The following EXOC4 variants were observed in gnomAD, a reference collection of about 807,000 sequenced individuals.
EXOC4 encodes the protein exocyst complex component 4.
EXOC4 carries 71 observed loss-of-function variants against 107.2 expected under a neutral mutation model. That is an observed-to-expected ratio of 0.66 (90% CI 0.55 to 0.81). The LOEUF is 0.81. Among genes scored for constraint, EXOC4 ranks in the 30% least tolerant of loss-of-function variants. The probability of loss-of-function intolerance (pLI) is 0.00; values close to 1 mark genes in which losing one functional copy is unlikely to be tolerated. For missense variants in EXOC4, 1,108 were observed against 1,189.6 expected, an observed-to-expected ratio of 0.93 and a Z score of 1.01; for synonymous variants, 456 against 441.2, an observed-to-expected ratio of 1.03 and a Z score of -0.42.
intron 17 of EXOC4, among the ~76,000 whole-genome samples, chr7:134,015,923 G>A (rs955953364): frequency 1.3e-5 from 2 of 151,408 alleles, no homozygotes; most frequent in Non-Finnish European, 2.9e-5. Context: ...ATGTATCAGT[G>A]CTTGGTGGTG....
At chr7:133,748,400 G>A (rs188711592) in intron 10 of EXOC4, among the ~76,000 whole-genome samples, 4 of 152,258 alleles carry the variant, frequency 2.6e-5, no homozygotes, top group African/African-American at 7.2e-5. Flanking sequence ...CATGGGGAAA[G>A]TGAAGCCTAT....
intron 14 of EXOC4, among the ~76,000 whole-genome samples, chr7:133,992,097 A>G (rs1794275289): frequency 6.6e-6 from 1 of 152,088 alleles, no homozygotes; most frequent in African/African-American, 2.4e-5. Flanking sequence ...GAGTGTGCAT[A>G]TCTTTCCATT....
rs758125085 is a variant in EXOC4 at position 133,253,144 on chromosome 7, A to G, written c.43A>G (p.Ser15Gly). The change falls in exon 1 of 18, where the codon AGC becomes GGC. Residue 15 changes from serine (S) to glycine (G), a missense_variant. Physicochemically the swap from Ser to Gly is moderately conservative, Grantham distance 56. Transcript: ENST00000253861. ...TGGTGGGAAATACAGAAGCACAGTC[A>G]GCAAAAGCAAAGACCCCTCGGGGCT... Reference protein sequence around the residue: ...AAGGKYRSTVSKSKDPSGLLI... With the variant: ...AAGGKYRSTVGKSKDPSGLLI... 17 of 1,614,230 alleles carry G rather than the reference A, an allele frequency of 1.1e-5. No homozygotes were observed. In the East Asian group the frequency reaches 3.8e-4, roughly 36 times the overall value.
At chr7:133,331,847 A>G (rs955201985) in intron 5 of EXOC4, among the ~76,000 whole-genome samples, 3 of 152,190 alleles carry the variant, frequency 2.0e-5, no homozygotes, top group African/African-American at 4.8e-5. Flanking sequence ...TGCTGTTCCC[A>G]GTCTAAATAT....
intron 11 of EXOC4, among the ~76,000 whole-genome samples, chr7:133,819,308 A>T (rs1315511856): frequency 1.4e-5 from 2 of 146,806 alleles, no homozygotes; most frequent in Non-Finnish European, 1.5e-5. Context: ...TCCCAGATAG[A>T]TCTCCCCAGT....
At chr7:133,690,814 G>A (rs1048109090) in intron 10 of EXOC4, among the ~76,000 whole-genome samples, 2 of 152,130 alleles carry the variant, frequency 1.3e-5, no homozygotes, top group Non-Finnish European at 1.5e-5. Flanking sequence ...TGGGCTTCAA[G>A]GGGTCATAAA....
At chr7:133,371,664 TG>T (rs1465732734) in intron 6 of EXOC4, among the ~76,000 whole-genome samples, 1 of 152,220 alleles carries the variant, frequency 6.6e-6, no homozygotes, top group Non-Finnish European at 1.5e-5. Flanking sequence ...TTTCCACCTT[TG>T]GGTTGTTGCG....
At chr7:133,268,855 A>C (rs937301624) in intron 1 of EXOC4, among the ~76,000 whole-genome samples, 8 of 152,208 alleles carry the variant, frequency 5.3e-5, no homozygotes, top group African/African-American at 1.9e-4. Context: ...CTGGGAATTA[A>C]TTAGTCATGG....
At chr7:133,703,409 G>A (rs1794706299) in intron 10 of EXOC4, among the ~76,000 whole-genome samples, 1 of 152,184 alleles carries the variant, frequency 6.6e-6, no homozygotes, top group Non-Finnish European at 1.5e-5. Flanking sequence ...TTTAGGGGGA[G>A]TATATGTGGC....
chr7:133,314,920 C>G (rs1794955285), intron 4 of EXOC4: 1 of 152,076 alleles, frequency 6.6e-6, no homozygotes, highest in South Asian at 2.1e-4. Context: ...AAACCTGTGT[C>G]TTTTTTTACA....
chr7:133,959,742 AG>A (rs923063995), intron 14 of EXOC4, among the ~76,000 whole-genome samples: 1 of 152,132 alleles, frequency 6.6e-6, no homozygotes, highest in African/African-American at 2.4e-5. Context: ...AAGTACATCT[AG>A]AAAAGAAGCA....
In EXOC4 at chr7:133,789,375, T is replaced by G. The variant is rs1796656437; in HGVS notation, c.1515-27950T>G. ...TTTTGCTGATGTTTCTTGAGTTCTA[T>G]GCCACTACTCTCTCTCCTCCCCCAG... On this transcript the variant is annotated intron_variant, in intron 10 of 17. Coordinates refer to ENST00000253861, the MANE Select transcript of EXOC4 (RefSeq NM_021807.4). Among the ~76,000 whole-genome samples the G allele has an allele frequency of 2.0e-5, 3 of 152,222 alleles. No individual in the cohort carries two copies. In the South Asian group the frequency reaches 6.2e-4, roughly 31 times the overall value.
At chr7:133,742,296 A>G (rs1388944016) in intron 10 of EXOC4, among the ~76,000 whole-genome samples, 2 of 152,158 alleles carry the variant, frequency 1.3e-5, no homozygotes, top group Non-Finnish European at 2.9e-5. Context: ...ATTTCTGGTT[A>G]CCTTTAGCAT....
the EXOC4 span, among the ~76,000 whole-genome samples, chr7:134,088,108 A>G: frequency 2.6e-5 from 4 of 152,150 alleles, no homozygotes; most frequent in Non-Finnish European, 5.9e-5. Flanking sequence ...TTCTTTACTT[A>G]TGACATGTCA....
chr7:133,875,817 TC>T (rs1798836372), intron 11 of EXOC4, among the ~76,000 whole-genome samples: 1 of 152,206 alleles, frequency 6.6e-6, no homozygotes, highest in Admixed American at 6.5e-5. Flanking sequence ...CCACAAGCAG[TC>T]TTCATTCATG....
chr7:133,633,797 A>G (rs997803608), intron 10 of EXOC4, among the ~76,000 whole-genome samples: 2 of 151,174 alleles, frequency 1.3e-5, no homozygotes, highest in Non-Finnish European at 3.0e-5. Flanking sequence ...ACATTGTATC[A>G]TTTTTTTTTC....
intron 11 of EXOC4, among the ~76,000 whole-genome samples, chr7:133,852,247 G>A (rs926739407): frequency 6.7e-6 from 1 of 149,658 alleles, no homozygotes; most frequent in Non-Finnish European, 1.5e-5. Context: ...TTTTGAGACG[G>A]AGTCTTGCTC....
At chr7:133,529,874 T>C (rs1039190819) in intron 9 of EXOC4, among the ~76,000 whole-genome samples, 1 of 152,168 alleles carries the variant, frequency 6.6e-6, no homozygotes, top group African/African-American at 2.4e-5. Context: ...TAGGCAGGGA[T>C]GTTCAGGAAT....
chr7:133,468,608 A>G (rs1798791351), intron 7 of EXOC4, among the ~76,000 whole-genome samples: 2 of 151,990 alleles, frequency 1.3e-5, no homozygotes, highest in African/African-American at 4.8e-5. Context: ...GCGCTTTTCA[A>G]ATTCCTTTGA....
Sources: allele counts gnomAD v4.1 joint callset (sites outside exome capture counted in the v4.1 genomes callset), GRCh38; gene constraint gnomAD v4.1.1; transcripts MANE v1.5; gene names NCBI Gene and HGNC (gene_info 2026-07-23, HGNC 2026-07-21).